Variants in METTL8 observed in about 807,000 individuals in gnomAD.
The protein encoded by METTL8 is tRNA N(3)-cytidine methyltransferase METTL8, mitochondrial.
METTL8 carries 32 observed loss-of-function variants against 48.7 expected under a neutral mutation model. The observed-to-expected ratio is 0.66, with a 90% CI of 0.50 to 0.88. The LOEUF is 0.88. Ranked by LOEUF, METTL8 falls within the 40% of genes least tolerant of loss-of-function variation. The pLI is 0.00. For missense variants in METTL8, 464 were observed against 474.4 expected, an observed-to-expected ratio of 0.98 and a Z score of 0.20; for synonymous variants, 136 against 157.1, an observed-to-expected ratio of 0.87 and a Z score of 1.01.
chr2:171,417,012 G>A (rs1691381849), intron 1 of METTL8, among the ~76,000 whole-genome samples: 1 of 152,224 alleles, frequency 6.6e-6, no homozygotes, highest in Non-Finnish European at 1.5e-5. Context: ...CATCTGAGGG[G>A]TTTGCATTGC....
At chr2:171,386,046 G>A (rs1249748310) in intron 2 of METTL8, among the ~76,000 whole-genome samples, 1 of 152,238 alleles carries the variant, frequency 6.6e-6, no homozygotes, top group Non-Finnish European at 1.5e-5. Flanking sequence ...TGTGCAGCCA[G>A]CCCAAAGCTA....
At chr2:171,365,061 G>A (rs1401543529) in intron 2 of METTL8, among the ~76,000 whole-genome samples, 1 of 152,168 alleles carries the variant, frequency 6.6e-6, no homozygotes, top group African/African-American at 2.4e-5. Context: ...TGGGATGCCA[G>A]ATGAGTTGGT....
chr2:171,332,077 G>A, intron 5 of METTL8: 2 of 448,786 alleles, frequency 4.5e-6, no homozygotes, highest in Admixed American at 3.4e-5. Flanking sequence ...GTAGAGATGG[G>A]GTCTCACTAT....
chr2:171,352,902 A>G (rs1404945089), intron 3 of METTL8, among the ~76,000 whole-genome samples: 1 of 151,978 alleles, frequency 6.6e-6, no homozygotes, highest in African/African-American at 2.4e-5. Context: ...AATTTTGTTG[A>G]TCTTTTCAAA....
intron 7 of METTL8, among the ~76,000 whole-genome samples, chr2:171,328,025 C>T (rs895006901): frequency 6.6e-6 from 1 of 152,136 alleles, no homozygotes; most frequent in African/African-American, 2.4e-5. Flanking sequence ...AGGATAAAGG[C>T]AAGGAACGGG....
intron 3 of METTL8, among the ~76,000 whole-genome samples, chr2:171,342,892 C>T (rs904048313): frequency 9.2e-5 from 14 of 152,022 alleles, no homozygotes; most frequent in East Asian, 1.9e-4. Context: ...ATGTGCATAG[C>T]GGCCAGGCGA....
At chr2:171,384,624 G>A (rs1251392329) in intron 2 of METTL8, among the ~76,000 whole-genome samples, 1 of 152,088 alleles carries the variant, frequency 6.6e-6, no homozygotes, top group African/African-American at 2.4e-5. Flanking sequence ...CAGCCTAGGA[G>A]TTCCAGACCA....
intron 1 of METTL8, among the ~76,000 whole-genome samples, chr2:171,426,550 T>C (rs899017075): frequency 1.3e-5 from 2 of 152,222 alleles, no homozygotes; most frequent in Non-Finnish European, 2.9e-5. Context: ...TAACATAGCA[T>C]AAAGGATTGA....
intron 3 of METTL8, among the ~76,000 whole-genome samples, chr2:171,345,225 T>C (rs1687150242): frequency 6.6e-6 from 1 of 152,206 alleles, no homozygotes; most frequent in Non-Finnish European, 1.5e-5. Context: ...AAAGAAGGAA[T>C]ATGCACGCTA....
rs988368680 is a variant in METTL8 at position 171,372,485 on chromosome 2, A to G, written c.144-11972T>C. ...ACAGGTACAATAATTTCTTTTTATT[A>G]TTATTATTATTATTATACTTTAAGT... On this transcript the variant is annotated intron_variant, in intron 2 of 9. Transcript: ENST00000375258. 7.9e-5 allele frequency among the ~76,000 whole-genome samples: 12 copies of G among 151,848 alleles called. No individual in the cohort carries two copies. The East Asian group carries it at 9.7e-4, about 12-fold the overall frequency.
At chr2:171,379,384 C>T (rs1258006551) in intron 2 of METTL8, among the ~76,000 whole-genome samples, 5 of 151,486 alleles carry the variant, frequency 3.3e-5, no homozygotes, top group Admixed American at 2.0e-4. Context: ...TACAAGCTAG[C>T]GGAAGGCAAG....
In METTL8 at chr2:171,327,307, T is replaced by C. The variant is rs75464002; in HGVS notation, c.861-1159A>G. 2.4e-4 allele frequency among the ~76,000 whole-genome samples: 36 copies of C among 152,350 alleles called. No homozygotes were observed. In the East Asian group the frequency reaches 6.0e-3, roughly 25 times the overall value. On this transcript the variant is annotated intron_variant, in intron 7 of 9. Transcript: ENST00000375258. Reference sequence around the variant, plus strand: ...GTGTGATTATGGGCCAGGGATGGCATAGATTTCAGATCTCATATTAATTCT... The same window carrying C: ...GTGTGATTATGGGCCAGGGATGGCACAGATTTCAGATCTCATATTAATTCT...
intron 3 of METTL8, among the ~76,000 whole-genome samples, chr2:171,349,329 C>A (rs1195636756): frequency 6.6e-6 from 1 of 152,096 alleles, no homozygotes; most frequent in African/African-American, 2.4e-5. Context: ...AATATTTCCC[C>A]CATTTCCCGA....
intron 2 of METTL8, among the ~76,000 whole-genome samples, chr2:171,378,498 G>C (rs181131819): frequency 6.6e-6 from 1 of 152,216 alleles, no homozygotes; most frequent in East Asian, 1.9e-4. Context: ...TGGGTGTGGT[G>C]GCATGCGCCT....
chr2:171,432,164 C>A (rs1315280316), intron 1 of METTL8, among the ~76,000 whole-genome samples: 1 of 152,146 alleles, frequency 6.6e-6, no homozygotes, highest in African/African-American at 2.4e-5. Flanking sequence ...TGTGGCAAGC[C>A]CAGCCCGAGC....
Position 171,316,101 on chromosome 2 carries a change from C to G in METTL8, c.*8071G>C, listed in dbSNP as rs1684252071. 6.6e-6 allele frequency among the ~76,000 whole-genome samples: 1 copy of G among 152,340 alleles called. No homozygotes were observed. Among genetic ancestry groups the G allele is most frequent in the East Asian group, 1.9e-4 (1 of 5,190 alleles). On this transcript the variant is annotated 3_prime_UTR_variant, in exon 10 of 10. Transcript: ENST00000375258. ...CTTTTGCACATGCTTGGAGGAAAAA[C>G]AACACTATTAAAATGTCTTTTTAAA...
At position 171,350,477 on chromosome 2, in the gene METTL8, C is replaced by CA. The variant is rs200738176; in HGVS notation, c.235+9944dup. Among the ~76,000 whole-genome samples, 290 of 152,246 alleles carry CA rather than the reference C, an allele frequency of 1.9e-3. 6 individuals are homozygous for CA. In the East Asian group the frequency reaches 0.029, roughly 15 times the overall value. ...ATTTATAATCCTTTGGGTATATACC[C>CA]AGTAATGGGATGACTGGGTCAAATG... On this transcript the variant is annotated intron_variant, in intron 3 of 9. Coordinates refer to ENST00000375258, the MANE Select transcript of METTL8 (RefSeq NM_001321154.2).
At chr2:171,354,593 C>T (rs574385658) in intron 3 of METTL8, among the ~76,000 whole-genome samples, 1 of 152,182 alleles carries the variant, frequency 6.6e-6, no homozygotes, top group South Asian at 2.1e-4. Flanking sequence ...CTTTCAGGTA[C>T]ACCAATCAGA....
At chr2:171,340,198 CAAA>C (rs35343261) in intron 3 of METTL8, among the ~76,000 whole-genome samples, 21 of 127,392 alleles carry the variant, frequency 1.6e-4, no homozygotes, top group Admixed American at 2.4e-4. Flanking sequence ...AACTCTGTCT[CAAA>C]AAAAAAAAAA....
Sources: gnomAD v4.1 joint callset for allele counts (sites outside exome capture counted in the v4.1 genomes callset) on GRCh38, gnomAD v4.1.1 for gene constraint, MANE v1.5 for transcripts, NCBI Gene and HGNC (gene_info 2026-07-23, HGNC 2026-07-21) for gene names.